Variants in CDIN1 observed in about 807,000 individuals in gnomAD.
CDIN1 encodes the protein CDAN1-interacting nuclease 1.
CDIN1 carries 33 observed loss-of-function variants against 45.3 expected under a neutral mutation model. The observed-to-expected ratio is 0.73, with a 90% confidence interval of 0.55 to 0.97. The LOEUF is 0.97. Among genes scored for constraint, CDIN1 ranks in the 50% least tolerant of loss-of-function variants. CDIN1 has a pLI of 0.00. For synonymous variants in CDIN1, 118 were observed against 124.4 expected (o/e 0.95, Z 0.34); for missense variants, 303 against 339.4 (o/e 0.89, Z 0.84).
At position 36,709,918 on chromosome 15, in the gene CDIN1, C is replaced by T. The variant is rs1421291697; in HGVS notation, c.673C>T (p.His225Tyr). ...SKASFGDECS[H>Y]HAYLHDQFWS... Reference sequence around the variant, plus strand: ...AGCCTCATTTGGTGATGAATGTAGCCACCACGCCTACCTGCATGACCAGTT... The same window carrying T: ...AGCCTCATTTGGTGATGAATGTAGCTACCACGCCTACCTGCATGACCAGTT... Residue 225 changes from histidine (H) to tyrosine (Y), a missense_variant, in exon 10 of 11, where the codon CAC (histidine) becomes TAC (tyrosine). Transcript: ENST00000566621. 6.2e-7 allele frequency: 1 copy of T among 1,613,188 alleles called. No homozygotes were observed. Among genetic ancestry groups the T allele is most frequent in the East Asian group, 2.2e-5 (1 of 44,862 alleles).
chr15:36,759,503 A>C (rs1311173514), intron 10 of CDIN1, among the ~76,000 whole-genome samples: 1 of 152,088 alleles, frequency 6.6e-6, no homozygotes, highest in African/African-American at 2.4e-5. Flanking sequence ...TAAAAAAAAA[A>C]CTCATTTAAA....
chr15:36,596,594 A>G (rs755656711), intron 1 of CDIN1, among the ~76,000 whole-genome samples: 1 of 152,172 alleles, frequency 6.6e-6, no homozygotes, highest in African/African-American at 2.4e-5. Context: ...AAGTGCTCTT[A>G]TGTATTTCTT....
intron 1 of CDIN1, among the ~76,000 whole-genome samples, chr15:36,620,109 T>C (rs1348197124): frequency 2.6e-5 from 4 of 152,216 alleles, no homozygotes; most frequent in East Asian, 1.9e-4. Context: ...CCCAGCACTT[T>C]GGGAGGCCGA....
intron 8 of CDIN1, chr15:36,706,959 C>G (rs1206472824): frequency 6.6e-6 from 1 of 152,114 alleles, no homozygotes; most frequent in Non-Finnish European, 1.5e-5. Flanking sequence ...GGGCCTAGAA[C>G]AGTGAACAAG....
chr15:36,790,155 T>G (rs2054609533), intron 10 of CDIN1: 1 of 152,202 alleles, frequency 6.6e-6, no homozygotes, highest in Admixed American at 6.5e-5. Context: ...GACTGGACTG[T>G]TGGTCTCTTG....
chr15:36,587,507 G>T (rs774640774), intron 1 of CDIN1, among the ~76,000 whole-genome samples: 3 of 152,080 alleles, frequency 2.0e-5, no homozygotes, highest in Non-Finnish European at 4.4e-5. Context: ...AATCTGGTAA[G>T]GAGTGGAGTA....
intron 7 of CDIN1, among the ~76,000 whole-genome samples, chr15:36,695,100 T>G (rs1228549638): frequency 6.6e-6 from 1 of 152,224 alleles, no homozygotes; most frequent in Non-Finnish European, 1.5e-5. Flanking sequence ...TAATGATGAC[T>G]TAGGGCATGT....
rs537609620 is a variant in CDIN1, at chr15:36,698,830, C to G, written c.544+1440C>G. Among the ~76,000 whole-genome samples, 55 of 152,252 alleles carry G rather than the reference C, an allele frequency of 3.6e-4. 1 individual carries two copies. The South Asian group carries it at 0.01, about 29-fold the overall frequency. Reference sequence around the variant, plus strand: ...TGGCCTAACTTTTCTCTGCTTCCTTCTTGAGAACTAGCCAATCCCAGCTGG... The same window carrying G: ...TGGCCTAACTTTTCTCTGCTTCCTTGTTGAGAACTAGCCAATCCCAGCTGG... On this transcript the variant is annotated intron_variant, in intron 8 of 10. Coordinates refer to ENST00000566621, the MANE Select transcript of CDIN1 (RefSeq NM_001321759.2).
intron 2 of CDIN1, among the ~76,000 whole-genome samples, chr15:36,644,912 A>G (rs1033433816): frequency 6.6e-6 from 1 of 152,192 alleles, no homozygotes; most frequent in African/African-American, 2.4e-5. Flanking sequence ...AGAGGGAACA[A>G]GTTTTTCTTT....
At chr15:36,693,007 CAT>C (rs1317271710) in intron 7 of CDIN1, among the ~76,000 whole-genome samples, 1 of 152,072 alleles carries the variant, frequency 6.6e-6, no homozygotes, top group Non-Finnish European at 1.5e-5. Context: ...ATAATATAAA[CAT>C]GTCCCTCCTG....
intron 1 of CDIN1, among the ~76,000 whole-genome samples, chr15:36,611,763 T>C (rs759156388): frequency 1.1e-4 from 16 of 152,214 alleles, no homozygotes; most frequent in Non-Finnish European, 1.8e-4. Flanking sequence ...CATTTGCCTT[T>C]TATCAAATGA....
In CDIN1 at chr15:36,729,440, A is replaced by G. The variant is rs1393512195; in HGVS notation, c.716+19479A>G. Among the ~76,000 whole-genome samples the G allele has an allele frequency of 2.0e-5, 3 of 152,150 alleles. No homozygotes were observed. In the East Asian group the frequency reaches 5.8e-4, roughly 29 times the overall value. On this transcript the variant is annotated intron_variant, in intron 10 of 10. Coordinates refer to ENST00000566621, the MANE Select transcript of CDIN1 (RefSeq NM_001321759.2). ...TAGTCTTTTCTTAATCAAAGTAGCAAACATCTGTGTTCTTTCTAGCCTGTC... is the reference window on the plus strand; with the variant it reads ...TAGTCTTTTCTTAATCAAAGTAGCAGACATCTGTGTTCTTTCTAGCCTGTC...
intron 8 of CDIN1, among the ~76,000 whole-genome samples, chr15:36,698,622 A>G (rs1011983536): frequency 6.6e-6 from 1 of 152,190 alleles, no homozygotes; most frequent in Non-Finnish European, 1.5e-5. Context: ...TAGTTCTGAT[A>G]GTATTGTGAA....
intron 1 of CDIN1, among the ~76,000 whole-genome samples, chr15:36,597,257 G>A (rs2140215545): frequency 6.6e-6 from 1 of 152,244 alleles, no homozygotes; most frequent in African/African-American, 2.4e-5. Flanking sequence ...TTGCTTGTTT[G>A]GAAATAAAAT....
In CDIN1 at chr15:36,579,936, A is replaced by T. The variant is rs781708969; in HGVS notation, c.76A>T (p.Arg26Trp). The stretch of plus-strand genomic sequence containing the variant: ...TGTGCCGCCTACCAGGCAGAGCCTG[A>T]GGAAGCTGAAGCAGAGGTTTCCCAG... ...VSVPPTRQSL[R>W]KLKQRFPSQS... The change falls in exon 1 of 11, where the codon AGG (arginine) becomes TGG (tryptophan). Residue 26 changes from arginine (R) to tryptophan (W), a missense_variant. Coordinates refer to ENST00000566621, the MANE Select transcript of CDIN1 (RefSeq NM_001321759.2). 6.2e-7 allele frequency: 1 copy of T among 1,613,776 alleles called. No homozygotes were observed. The highest frequency in any genetic ancestry group is 8.5e-7 in the Non-Finnish European group (1 of 1,179,818).
At chr15:36,628,022 A>T (rs1198138869) in intron 1 of CDIN1, among the ~76,000 whole-genome samples, 4 of 150,302 alleles carry the variant, frequency 2.7e-5, no homozygotes, top group African/African-American at 4.9e-5. Flanking sequence ...AACATTGTAA[A>T]TTTTTTTTTC....
chr15:36,643,988 A>C (rs768180340), intron 1 of CDIN1, among the ~76,000 whole-genome samples: 1 of 152,192 alleles, frequency 6.6e-6, no homozygotes, highest in Non-Finnish European at 1.5e-5. Flanking sequence ...TTTTAACACC[A>C]TTGCATTCTA....
At chr15:36,585,691 T>TTTA (rs1325762873) in intron 1 of CDIN1, among the ~76,000 whole-genome samples, 3 of 152,088 alleles carry the variant, frequency 2.0e-5, no homozygotes, top group African/African-American at 4.8e-5. Flanking sequence ...TAATGTTACT[T>TTTA]TTATTATTAT....
intron 10 of CDIN1, among the ~76,000 whole-genome samples, chr15:36,788,075 C>CATATATATATATAT (rs201682731): frequency 7.1e-5 from 4 of 56,154 alleles, no homozygotes; most frequent in African/African-American, 3.1e-4. Flanking sequence ...TAATTTTATA[C>CATATATATATATAT]ATATATATAT....
Sources: allele counts gnomAD v4.1 joint callset (sites outside exome capture counted in the v4.1 genomes callset), GRCh38; gene constraint gnomAD v4.1.1; transcripts MANE v1.5; gene names NCBI Gene and HGNC (gene_info 2026-07-23, HGNC 2026-07-21).